Variants in SLC5A4 observed in about 807,000 individuals in gnomAD.
The protein encoded by SLC5A4 is probable glucose sensor protein SLC5A4.
SLC5A4 carries 55 observed loss-of-function variants against 70.3 expected under a neutral mutation model. That is an observed-to-expected ratio of 0.78 (90% CI 0.63 to 0.98). SLC5A4 has a LOEUF of 0.98. SLC5A4 is among the 50% of genes least tolerant of loss of function. SLC5A4 has a pLI of 0.00. For missense variants in SLC5A4, 735 were observed against 839.2 expected (o/e 0.88, Z 1.53); for synonymous variants, 268 against 305.7 (o/e 0.88, Z 1.29).
Position 32,224,460 on chromosome 22 carries a change from A to G in SLC5A4, c.1472T>C (p.Val491Ala), listed in dbSNP as rs367622788. The change falls in exon 13 of 15, where the codon GTT (valine) becomes GCT (alanine). Residue 491 changes from valine (V) to alanine (A), a missense_variant. Val to Ala is a moderately conservative substitution (Grantham distance 64, BLOSUM62 0). Coordinates refer to ENST00000266086, the MANE Select transcript of SLC5A4 (RefSeq NM_014227.3). ...NEQGAFWGLMVGLAMGLIRMI... is the reference protein window; with the variant it reads ...NEQGAFWGLMAGLAMGLIRMI... ...ACGAATGAGGCCCATTGCAAGTCCA[A>G]CCATTAGACCCCAGAATGCTCCCTG... 8.1e-6 allele frequency: 13 copies of G among 1,613,886 alleles called. No individual in the cohort carries two copies. The highest frequency in any genetic ancestry group is 1.6e-4 in the Middle Eastern group (1 of 6,062).
At chr22:32,332,961 T>C in the SLC5A4 span, among the ~76,000 whole-genome samples, 3 of 152,106 alleles carry the variant, frequency 2.0e-5, no homozygotes, top group Admixed American at 6.5e-5. Context: ...TTTCAAAGCG[T>C]TTTTCAAATC....
At chr22:32,234,626 G>A (rs1000299572) in intron 8 of SLC5A4, among the ~76,000 whole-genome samples, 3 of 152,128 alleles carry the variant, frequency 2.0e-5, no homozygotes, top group African/African-American at 7.2e-5. Context: ...CTGAACCCGG[G>A]AGGTGGAGGT....
chr22:32,341,953 A>G, the SLC5A4 span, among the ~76,000 whole-genome samples: 2 of 152,186 alleles, frequency 1.3e-5, no homozygotes, highest in African/African-American at 4.8e-5. Context: ...TCTCCCCGAC[A>G]TTTAACACTA....
chr22:32,314,748 G>A, the SLC5A4 span, among the ~76,000 whole-genome samples: 17 of 152,156 alleles, frequency 1.1e-4, no homozygotes, highest in African/African-American at 3.6e-4. Context: ...CATGGCTGGG[G>A]AGGCCTCACA....
At chr22:32,317,281 T>C in the SLC5A4 span, among the ~76,000 whole-genome samples, 1 of 152,078 alleles carries the variant, frequency 6.6e-6, no homozygotes, top group Non-Finnish European at 1.5e-5. Flanking sequence ...GAGGAACATA[T>C]ATAGCCTTAA....
At chr22:32,314,331 G>C in the SLC5A4 span, among the ~76,000 whole-genome samples, 1 of 152,144 alleles carries the variant, frequency 6.6e-6, no homozygotes, top group African/African-American at 2.4e-5. Flanking sequence ...TTAGCTACAA[G>C]AGGGTTAAGG....
the SLC5A4 span, among the ~76,000 whole-genome samples, chr22:32,278,954 T>C: frequency 6.6e-6 from 1 of 152,224 alleles, no homozygotes; most frequent in Non-Finnish European, 1.5e-5. Flanking sequence ...TAAATACTAA[T>C]AGAGAAAATA....
At chr22:32,334,401 T>G in the SLC5A4 span, among the ~76,000 whole-genome samples, 1 of 152,172 alleles carries the variant, frequency 6.6e-6, no homozygotes, top group Non-Finnish European at 1.5e-5. Context: ...GTCCTCAGTG[T>G]GCCCCTCCAA....
the SLC5A4 span, among the ~76,000 whole-genome samples, chr22:32,338,559 G>A: frequency 2.6e-5 from 4 of 152,260 alleles, no homozygotes; most frequent in South Asian, 8.3e-4. Context: ...CAGCTACTCG[G>A]GAAGCCAAGA....
At chr22:32,229,969 C>T (rs1925652160) in intron 10 of SLC5A4, among the ~76,000 whole-genome samples, 1 of 152,138 alleles carries the variant, frequency 6.6e-6, no homozygotes, top group East Asian at 1.9e-4. Flanking sequence ...TTCCTGAAGA[C>T]TTAAGAGAAC....
At chr22:32,268,162 A>G in the SLC5A4 span, 1 of 152,146 alleles carries the variant, frequency 6.6e-6, no homozygotes, top group Admixed American at 6.5e-5. Flanking sequence ...ATTGTGTTTC[A>G]TTATGTTTCA....
the SLC5A4 span, among the ~76,000 whole-genome samples, chr22:32,333,724 C>T: frequency 1.2e-4 from 19 of 152,118 alleles, no homozygotes; most frequent in Middle Eastern, 3.4e-3. Flanking sequence ...GGACAGTAAA[C>T]ATCCACAATA....
chr22:32,308,083 A>C, the SLC5A4 span, among the ~76,000 whole-genome samples: 1 of 151,834 alleles, frequency 6.6e-6, no homozygotes, highest in African/African-American at 2.4e-5. Flanking sequence ...TTACCTACCT[A>C]CCTACCTAGA....
chr22:32,310,576 C>A, the SLC5A4 span, among the ~76,000 whole-genome samples: 23 of 152,280 alleles, frequency 1.5e-4, no homozygotes, highest in South Asian at 3.3e-3. Flanking sequence ...TAATTGAGAC[C>A]CCCCAGCACA....
At chr22:32,294,726 C>T in the SLC5A4 span, among the ~76,000 whole-genome samples, 1 of 145,354 alleles carries the variant, frequency 6.9e-6, no homozygotes, top group Non-Finnish European at 1.5e-5. Flanking sequence ...AGGTTAGTTA[C>T]ATATGTATAC....
At chr22:32,251,547 CCCTTCCA>C (rs1296313612) in intron 3 of SLC5A4, among the ~76,000 whole-genome samples, 8 of 151,848 alleles carry the variant, frequency 5.3e-5, no homozygotes, top group Non-Finnish European at 8.8e-5. Context: ...TGCCCTATTG[CCCTTCCA>C]CCTTCCACCT....
chr22:32,231,887 C>T (rs1286960110), intron 9 of SLC5A4, among the ~76,000 whole-genome samples: 3 of 151,774 alleles, frequency 2.0e-5, no homozygotes, highest in Non-Finnish European at 2.9e-5. Flanking sequence ...TAGATACCTA[C>T]ACTTTTTTTT....
chr22:32,306,562 G>GT, the SLC5A4 span, among the ~76,000 whole-genome samples: 16 of 152,026 alleles, frequency 1.1e-4, no homozygotes, highest in African/African-American at 3.4e-4. Context: ...TATTAGGAAT[G>GT]TTTTTGGTTT....
chr22:32,323,068 G>C, the SLC5A4 span, among the ~76,000 whole-genome samples: 1 of 152,080 alleles, frequency 6.6e-6, no homozygotes, highest in South Asian at 2.1e-4. Context: ...ACTATAGTTC[G>C]ATTTGCTTAG....
Sources: gnomAD v4.1 joint callset for allele counts (sites outside exome capture counted in the v4.1 genomes callset) on GRCh38, gnomAD v4.1.1 for gene constraint, MANE v1.5 for transcripts, NCBI Gene and HGNC (gene_info 2026-07-23, HGNC 2026-07-21) for gene names.